KCNIP1: variants seen among roughly 807,000 people sequenced by gnomAD.
KCNIP1 encodes A-type potassium channel modulatory protein KCNIP1.
KCNIP1 carries 18 observed loss-of-function variants against 33.0 expected under a neutral mutation model. The observed-to-expected ratio is 0.55, with a 90% confidence interval of 0.38 to 0.81. KCNIP1 has a LOEUF of 0.81. Among genes scored for constraint, KCNIP1 ranks in the 30% least tolerant of loss-of-function variants. The pLI, the probability that KCNIP1 is intolerant of heterozygous loss-of-function variation, is 0.00. For synonymous variants in KCNIP1, 93 were observed against 98.3 expected, an observed-to-expected ratio of 0.95 and a Z score of 0.32; for missense variants, 238 against 271.6, an observed-to-expected ratio of 0.88 and a Z score of 0.87.
At chr5:170,693,315 T>C (rs1431567085) in intron 1 of KCNIP1, among the ~76,000 whole-genome samples, 5 of 152,160 alleles carry the variant, frequency 3.3e-5, no homozygotes, top group Non-Finnish European at 7.4e-5. Flanking sequence ...TAGAATGACC[T>C]GGAAGCCCCC....
chr5:170,678,541 T>G (rs915203607), intron 1 of KCNIP1: 1 of 152,220 alleles, frequency 6.6e-6, no homozygotes, highest in African/African-American at 2.4e-5. Flanking sequence ...ACCACTACTC[T>G]GCCTTCTTGC....
chr5:170,547,277 CTTGT>C (rs1156733252), intron 1 of KCNIP1, among the ~76,000 whole-genome samples: 3 of 152,184 alleles, frequency 2.0e-5, no homozygotes, highest in Admixed American at 6.5e-5. Flanking sequence ...GTCTCTCTAG[CTTGT>C]TTTATTTATA....
At chr5:170,443,465 C>T (rs571631368) in intron 1 of KCNIP1, among the ~76,000 whole-genome samples, 2 of 152,220 alleles carry the variant, frequency 1.3e-5, no homozygotes, top group East Asian at 1.9e-4. Context: ...AGAGAGATGG[C>T]CATGTAAAGT....
chr5:170,533,625 A>G (rs1167867708), intron 1 of KCNIP1, among the ~76,000 whole-genome samples: 1 of 152,148 alleles, frequency 6.6e-6, no homozygotes, highest in East Asian at 1.9e-4. Flanking sequence ...CAGTCACTCA[A>G]CACCGCTAAG....
At chr5:170,575,757 G>A (rs560999831) in intron 1 of KCNIP1, among the ~76,000 whole-genome samples, 1 of 152,196 alleles carries the variant, frequency 6.6e-6, no homozygotes, top group African/African-American at 2.4e-5. Flanking sequence ...CGGGCCTTTA[G>A]AAGCAAAATT....
chr5:170,565,853 A>C (rs1021978444), intron 1 of KCNIP1, among the ~76,000 whole-genome samples: 4 of 152,328 alleles, frequency 2.6e-5, no homozygotes. Flanking sequence ...AAATCCAAGC[A>C]CCTCATCTTC....
intron 1 of KCNIP1, among the ~76,000 whole-genome samples, chr5:170,481,560 AT>A (rs1422825700): frequency 2.6e-5 from 4 of 152,232 alleles, no homozygotes; most frequent in Non-Finnish European, 5.9e-5. Context: ...GATACTTAAC[AT>A]TTTAACCCTT....
At chr5:170,635,348 A>C (rs1760240354) in intron 1 of KCNIP1, among the ~76,000 whole-genome samples, 2 of 152,184 alleles carry the variant, frequency 1.3e-5, no homozygotes, top group Non-Finnish European at 2.9e-5. Context: ...CTTTTAAAGT[A>C]GATGTTCTAA....
chr5:170,705,656 A>G (rs748958236), intron 1 of KCNIP1, among the ~76,000 whole-genome samples: 1 of 152,198 alleles, frequency 6.6e-6, no homozygotes, highest in Non-Finnish European at 1.5e-5. Context: ...ACATAAAACG[A>G]TCATATTTAC....
chr5:170,632,930 C>G (rs2113675501), intron 1 of KCNIP1, among the ~76,000 whole-genome samples: 1 of 152,322 alleles, frequency 6.6e-6, no homozygotes, highest in South Asian at 2.1e-4. Flanking sequence ...CACAGCGTTC[C>G]CTCGCGTGGG....
chr5:170,392,977 T>G (rs1754649566), intron 1 of KCNIP1, among the ~76,000 whole-genome samples: 1 of 152,204 alleles, frequency 6.6e-6, no homozygotes, highest in Non-Finnish European at 1.5e-5. Context: ...ATGCAATACA[T>G]ACACATACAC....
chr5:170,432,848 C>G (rs1755774722), intron 1 of KCNIP1, among the ~76,000 whole-genome samples: 1 of 152,168 alleles, frequency 6.6e-6, no homozygotes, highest in South Asian at 2.1e-4. Context: ...ATAGTATTGA[C>G]ATGACCAGAA....
At chr5:170,580,308 A>G (rs879511394) in intron 1 of KCNIP1, among the ~76,000 whole-genome samples, 1 of 152,226 alleles carries the variant, frequency 6.6e-6, no homozygotes, top group Non-Finnish European at 1.5e-5. Context: ...ATCTCTAGGA[A>G]GACAAGGTGG....
chr5:170,551,227 C>T (rs1264111649), intron 1 of KCNIP1, among the ~76,000 whole-genome samples: 1 of 152,232 alleles, frequency 6.6e-6, no homozygotes, highest in African/African-American at 2.4e-5. Context: ...TGATCTCACC[C>T]TGGAATGCAC....
chr5:170,634,209 G>A (rs1478570155), intron 1 of KCNIP1, among the ~76,000 whole-genome samples: 1 of 152,142 alleles, frequency 6.6e-6, no homozygotes, highest in Non-Finnish European at 1.5e-5. Context: ...AGGAAATATC[G>A]GGAACTTATG....
At chr5:170,680,839 G>C (rs529883386) in intron 1 of KCNIP1, 1 of 365,194 alleles carries the variant, frequency 2.7e-6, no homozygotes, top group South Asian at 1.5e-4. Flanking sequence ...TGGGAAAAGA[G>C]GAAATAAAAG....
At chr5:170,700,792 A>G (rs2113835896) in intron 1 of KCNIP1, among the ~76,000 whole-genome samples, 1 of 152,326 alleles carries the variant, frequency 6.6e-6, no homozygotes, top group Admixed American at 6.5e-5. Flanking sequence ...TTACTAGGCA[A>G]TGCCAGTCAC....
At chr5:170,596,287 G>T (rs1341653885) in intron 1 of KCNIP1, among the ~76,000 whole-genome samples, 1 of 152,198 alleles carries the variant, frequency 6.6e-6, no homozygotes, top group South Asian at 2.1e-4. Context: ...GATGCCCTGT[G>T]CCCATCACAC....
chr5:170,536,558 A>C (rs1755991002), intron 1 of KCNIP1, among the ~76,000 whole-genome samples: 1 of 152,126 alleles, frequency 6.6e-6, no homozygotes, highest in Admixed American at 6.5e-5. Flanking sequence ...GAAACAAAGG[A>C]AGGCAAACAT....
Sources: gnomAD v4.1 joint callset for allele counts (sites outside exome capture counted in the v4.1 genomes callset) on GRCh38, gnomAD v4.1.1 for gene constraint, MANE v1.5 for transcripts, NCBI Gene and HGNC (gene_info 2026-07-23, HGNC 2026-07-21) for gene names.